The following C6orf118 variants were observed in gnomAD, a reference collection of about 807,000 sequenced individuals.
C6orf118 encodes the protein uncharacterized protein C6orf118.
In C6orf118, 50 loss-of-function variants were observed where a neutral mutation model predicts 50.2. The ratio of observed to expected loss-of-function variants is 1.00; its 90% confidence interval spans 0.79 to 1.26. The LOEUF is 1.26. Among genes scored for constraint, C6orf118 ranks in the 50% most tolerant of loss-of-function variants. The pLI is 0.00. For synonymous variants in C6orf118, 239 were observed against 230.9 expected (o/e 1.03, Z -0.32); for missense variants, 641 against 578.7 (o/e 1.11, Z -1.10).
intron 5 of C6orf118, among the ~76,000 whole-genome samples, chr6:165,295,574 T>C (rs771836798): frequency 6.6e-6 from 1 of 152,216 alleles, no homozygotes; most frequent in Admixed American, 6.5e-5. Context: ...TTTGGAGTAG[T>C]ATGTGAGATT....
At chr6:165,288,893 T>C (rs1228454268) in intron 7 of C6orf118, among the ~76,000 whole-genome samples, 2 of 152,104 alleles carry the variant, frequency 1.3e-5, no homozygotes, top group African/African-American at 4.8e-5. Context: ...TACATTTACC[T>C]GTGTAACAAA....
chr6:165,295,365 C>A (rs185182891), intron 5 of C6orf118, among the ~76,000 whole-genome samples: 1 of 152,082 alleles, frequency 6.6e-6, no homozygotes, highest in Admixed American at 6.5e-5. Context: ...CTGAAATGCT[C>A]TTTGGGAACA....
intron 7 of C6orf118, among the ~76,000 whole-genome samples, chr6:165,288,194 T>C (rs913171925): frequency 1.1e-4 from 17 of 152,168 alleles, no homozygotes; most frequent in Non-Finnish European, 2.2e-4. Context: ...TCAACATCAC[T>C]GGTCATCAGA....
rs147464642 is a variant in C6orf118 at position 165,308,327 on chromosome 6, A to G, written c.25+1235T>C. 4.2e-4 allele frequency among the ~76,000 whole-genome samples: 64 copies of G among 152,334 alleles called. 1 individual carries two copies. The East Asian group carries it at 0.012, about 28-fold the overall frequency. On this transcript the variant is annotated intron_variant, in intron 1 of 8. Transcript: ENST00000230301. ...CAGAGAAGTTTCTCTGGCAAGAGTC[A>G]GAAGGGAGAGGTGGAAGAAAGGGGG...
chr6:165,283,563 T>C (rs867469919), intron 7 of C6orf118, among the ~76,000 whole-genome samples: 1 of 152,112 alleles, frequency 6.6e-6, no homozygotes, highest in Non-Finnish European at 1.5e-5. Context: ...TACAAAAGCG[T>C]TTCTGTTGTA....
chr6:165,300,852 A>G (rs1435060425), intron 2 of C6orf118, among the ~76,000 whole-genome samples: 1 of 151,754 alleles, frequency 6.6e-6, no homozygotes, highest in African/African-American at 2.4e-5. Context: ...CATCGTCCCC[A>G]TTTGGAGGTG....
intron 7 of C6orf118, among the ~76,000 whole-genome samples, chr6:165,282,597 A>G (rs1779763946): frequency 1.3e-5 from 2 of 150,674 alleles, no homozygotes; most frequent in Admixed American, 1.3e-4. Flanking sequence ...ATATTTTTTA[A>G]ATGTTCATAA....
intron 1 of C6orf118, among the ~76,000 whole-genome samples, chr6:165,307,167 G>GT (rs1327503482): frequency 6.6e-6 from 1 of 151,896 alleles, no homozygotes; most frequent in African/African-American, 2.4e-5. Flanking sequence ...TTAAACAGAG[G>GT]TTTTTTATTT....
chr6:165,302,032 G>A lies in C6orf118; in HGVS notation c.290C>T (p.Pro97Leu), dbSNP rs775322305. The change falls in exon 2 of 9, where the codon CCG (proline) becomes CTG (leucine). Residue 97 changes from proline (P) to leucine (L), a missense_variant. Physicochemically the swap from Pro to Leu is moderately conservative, Grantham distance 98. Coordinates refer to ENST00000230301, the MANE Select transcript of C6orf118 (RefSeq NM_144980.4). ...CATCCTCGCCACCTTCCCTGCGGGC[G>A]GCTCTCCCACCTCAGAGGCGCGCTC... ...KGERASEVGEPPAGKVARMKE... is the reference protein window; with the variant it reads ...KGERASEVGELPAGKVARMKE... The A allele has an allele frequency of 3.1e-6, 5 of 1,613,512 alleles. No individual in the cohort carries two copies. The highest frequency in any genetic ancestry group is 3.3e-5 in the Admixed American group (2 of 60,012).
chr6:165,302,112 G>C lies in C6orf118; in HGVS notation c.210C>G (p.Tyr70Ter), dbSNP rs956070628. Residue 70 changes from tyrosine (Y) to a stop codon, truncating the protein, a stop_gained, in exon 2 of 9, where the codon TAC becomes TAG. Coordinates refer to ENST00000230301, the MANE Select transcript of C6orf118 (RefSeq NM_144980.4). LOFTEE classifies it high-confidence loss of function. ...ISGHLNPNKL[Y>*]QPPETILQHW... ...GCTGTAAGATCGTCTCCGGAGGCTG[G>C]TAGAGCTTGTTGGGGTTCAGGTGTC... The C allele has an allele frequency of 1.2e-6, 2 of 1,613,642 alleles. No individual in the cohort carries two copies. Among genetic ancestry groups the C allele is most frequent in the Admixed American group, 1.7e-5 (1 of 59,986 alleles).
intron 7 of C6orf118, among the ~76,000 whole-genome samples, chr6:165,288,880 G>T (rs9457060): frequency 9.2e-5 from 14 of 151,986 alleles, no homozygotes; most frequent in Admixed American, 8.5e-4. Context: ...AATCACCATC[G>T]CATACATTTA....
chr6:165,297,899 C>G, intron 5 of C6orf118, 78 bp downstream of exon 5: 2 of 1,592,694 alleles, frequency 1.3e-6, no homozygotes, highest in Non-Finnish European at 1.7e-6. Flanking sequence ...TCAATGTAAC[C>G]GTAGGCTTGT....
At chr6:165,303,014 C>A (rs1044950844) in intron 1 of C6orf118, among the ~76,000 whole-genome samples, 1 of 152,232 alleles carries the variant, frequency 6.6e-6, no homozygotes, top group Non-Finnish European at 1.5e-5. Context: ...TCAGATAGAA[C>A]AAGAGCAGCC....
intron 1 of C6orf118, 80 bp from the exon 2 acceptor site, chr6:165,302,376 G>A (rs761779391): frequency 2.4e-4 from 365 of 1,510,470 alleles, no homozygotes; most frequent in Middle Eastern, 2.5e-4. Flanking sequence ...GCTGAGAGGC[G>A]TAGCCCCTGA....
chr6:165,307,771 A>G (rs1780797854), intron 1 of C6orf118, among the ~76,000 whole-genome samples: 1 of 152,114 alleles, frequency 6.6e-6, no homozygotes, highest in Non-Finnish European at 1.5e-5. Flanking sequence ...GCAGGCCCAG[A>G]CCCACAGGCT....
Position 165,298,119 on chromosome 6 carries a change from C to G in C6orf118, c.937-18G>C. 6.4e-7 allele frequency: 1 copy of G among 1,561,838 alleles called. No homozygotes were observed. The highest frequency in any genetic ancestry group is 8.6e-7 in the Non-Finnish European group (1 of 1,159,914). ...AGAAGAGCCTAGGCAGGACCAGGTACATGAGGTGAGACAAGCACACAGGGA... is the reference window on the plus strand; with the variant it reads ...AGAAGAGCCTAGGCAGGACCAGGTAGATGAGGTGAGACAAGCACACAGGGA... On this transcript the variant is annotated intron_variant, in intron 4 of 8. Transcript: ENST00000230301.
At chr6:165,296,650 G>A (rs1487678110) in intron 5 of C6orf118, among the ~76,000 whole-genome samples, 1 of 152,080 alleles carries the variant, frequency 6.6e-6, no homozygotes, top group Non-Finnish European at 1.5e-5. Context: ...AAAAGACTTG[G>A]TCCATCGGTC....
chr6:165,296,263 T>TTTTTTTTTTTTTTTTTTTTTTG (rs1780302747), intron 5 of C6orf118, among the ~76,000 whole-genome samples: 1 of 134,380 alleles, frequency 7.4e-6, no homozygotes, highest in African/African-American at 2.9e-5. Context: ...TTTTTTTTTT[T>TTTTTTTTTTTTTTTTTTTTTTG]TTTTTTTTTT....
intron 4 of C6orf118, among the ~76,000 whole-genome samples, chr6:165,299,046 C>G (rs759872370): frequency 1.3e-5 from 2 of 152,176 alleles, no homozygotes; most frequent in Admixed American, 1.3e-4. Context: ...ACACCTGGAA[C>G]GCTGTCACCC....
Sources: gnomAD v4.1 joint callset for allele counts (sites outside exome capture counted in the v4.1 genomes callset) on GRCh38, gnomAD v4.1.1 for gene constraint, MANE v1.5 for transcripts, NCBI Gene and HGNC (gene_info 2026-07-23, HGNC 2026-07-21) for gene names.